The following CTNND2 variants were observed in gnomAD, a reference collection of about 807,000 sequenced individuals.
The protein encoded by CTNND2 is catenin delta 2, also known as catenin delta-2.
A neutral mutation model predicts 144.4 loss-of-function variants in CTNND2; 22 were observed. That is an observed-to-expected ratio of 0.15 (90% CI 0.11 to 0.22). The LOEUF (loss-of-function observed/expected upper bound fraction) is 0.22, where lower values mean the gene tolerates loss of function less well. Among genes scored for constraint, CTNND2 ranks in the 10% least tolerant of loss-of-function variants. The pLI is 1.00. For missense variants in CTNND2, 1,353 were observed against 1,618.8 expected (o/e 0.84, Z 2.82); for synonymous variants, 751 against 695.6 (o/e 1.08, Z -1.25).
chr5:11,044,444 C>T (rs1015079446), intron 16 of CTNND2, among the ~76,000 whole-genome samples: 14 of 151,462 alleles, frequency 9.2e-5, no homozygotes, highest in Admixed American at 4.0e-4. Context: ...TATTATAGAA[C>T]GATATTTTCT....
chr5:11,248,762 G>C (rs1004289398), intron 9 of CTNND2, among the ~76,000 whole-genome samples: 7 of 152,154 alleles, frequency 4.6e-5, no homozygotes, highest in Non-Finnish European at 8.8e-5. Flanking sequence ...AAGTGAGAAC[G>C]TGTCCTGAAG....
chr5:11,435,173 C>T (rs956109297), intron 3 of CTNND2, among the ~76,000 whole-genome samples: 8 of 151,760 alleles, frequency 5.3e-5, no homozygotes, highest in African/African-American at 1.5e-4. Context: ...GAGTCTCACT[C>T]TGTCACCCAG....
intron 16 of CTNND2, among the ~76,000 whole-genome samples, chr5:11,053,370 A>G (rs896974354): frequency 5.3e-5 from 8 of 152,242 alleles, no homozygotes; most frequent in Non-Finnish European, 1.0e-4. Flanking sequence ...CATATTCAAT[A>G]CTGAAGAGGG....
chr5:11,554,408 C>A (rs1776037336), intron 3 of CTNND2, among the ~76,000 whole-genome samples: 2 of 152,072 alleles, frequency 1.3e-5, no homozygotes, highest in Admixed American at 6.6e-5. Context: ...AGAAGGACAG[C>A]CTTGTGGTGT....
intron 1 of CTNND2, among the ~76,000 whole-genome samples, chr5:11,832,942 A>G (rs998100489): frequency 1.3e-5 from 2 of 152,018 alleles, no homozygotes; most frequent in Admixed American, 1.3e-4. Context: ...CCCTGTCTCT[A>G]AATAAATAAA....
chr5:11,405,768 G>A (rs527616946), intron 5 of CTNND2, among the ~76,000 whole-genome samples: 1 of 151,702 alleles, frequency 6.6e-6, no homozygotes, highest in African/African-American at 2.4e-5. Flanking sequence ...TCATATACCC[G>A]AGGTAGGGGG....
intron 15 of CTNND2, among the ~76,000 whole-genome samples, chr5:11,097,150 T>C (rs762438941): frequency 2.6e-5 from 4 of 152,232 alleles, no homozygotes; most frequent in Admixed American, 6.5e-5. Flanking sequence ...AGGCTCACCA[T>C]GCTCAGAAAA....
intron 2 of CTNND2, among the ~76,000 whole-genome samples, chr5:11,661,637 C>A (rs1374071160): frequency 6.6e-6 from 1 of 152,066 alleles, no homozygotes; most frequent in African/African-American, 2.4e-5. Flanking sequence ...AAAAAAAAAT[C>A]ATCAATTTCC....
At chr5:11,370,216 AG>A (rs1259096616) in intron 7 of CTNND2, among the ~76,000 whole-genome samples, 5 of 150,490 alleles carry the variant, frequency 3.3e-5, no homozygotes, top group Admixed American at 3.3e-4. Context: ...TCCTTAGAAT[AG>A]GATTAATTCT....
chr5:11,592,219 TCTGCCTTCCTGCCTGC>T (rs1348010296), intron 2 of CTNND2, among the ~76,000 whole-genome samples: 32 of 139,820 alleles, frequency 2.3e-4, no homozygotes, highest in African/African-American at 8.7e-4. Context: ...TTTCTTCCAG[TCTGCCTTCCTGCCTGC>T]CTGCCTTCCT....
intron 1 of CTNND2, among the ~76,000 whole-genome samples, chr5:11,854,785 G>A (rs1344754391): frequency 6.6e-6 from 1 of 152,220 alleles, no homozygotes; most frequent in Non-Finnish European, 1.5e-5. Flanking sequence ...CCACGAAGTA[G>A]TTCTTCAACC....
At chr5:11,434,575 G>A (rs1327769517) in intron 3 of CTNND2, among the ~76,000 whole-genome samples, 2 of 152,198 alleles carry the variant, frequency 1.3e-5, no homozygotes, top group Non-Finnish European at 2.9e-5. Context: ...TTAGGGGGAT[G>A]TGTACTGATG....
chr5:11,097,342 C>T (rs1250808762), intron 15 of CTNND2, among the ~76,000 whole-genome samples: 1 of 152,204 alleles, frequency 6.6e-6, no homozygotes, highest in East Asian at 1.9e-4. Context: ...AAGCTTTTCT[C>T]TACCAATCTC....
chr5:11,754,310 T>C (rs774488696), intron 1 of CTNND2, among the ~76,000 whole-genome samples: 3 of 151,576 alleles, frequency 2.0e-5, no homozygotes, highest in Non-Finnish European at 4.4e-5. Context: ...TGTGGGCATA[T>C]AGTGTTATAA....
chr5:11,245,834 A>C (rs1742945272), intron 9 of CTNND2, among the ~76,000 whole-genome samples: 1 of 152,166 alleles, frequency 6.6e-6, no homozygotes, highest in African/African-American at 2.4e-5. Context: ...AGAGGCCAAG[A>C]AGCACCACCT....
intron 1 of CTNND2, among the ~76,000 whole-genome samples, chr5:11,745,064 A>G (rs13156582): frequency 0.98 from 148,973 of 152,268 alleles, 72,951 homozygotes; most frequent in East Asian, 1. Flanking sequence ...ATGACCTTGA[A>G]TTTGTTAATG....
chr5:11,074,331 C>T (rs990800363), intron 16 of CTNND2, among the ~76,000 whole-genome samples: 5 of 152,150 alleles, frequency 3.3e-5, no homozygotes, highest in East Asian at 1.9e-4. Flanking sequence ...TTCTCAGTTT[C>T]GCCAGCAGAC....
At chr5:11,083,459 G>T (rs1749809347) in intron 15 of CTNND2, among the ~76,000 whole-genome samples, 1 of 152,176 alleles carries the variant, frequency 6.6e-6, no homozygotes, top group African/African-American at 2.4e-5. Context: ...ATAATGTTCA[G>T]GGCCATAATT....
intron 16 of CTNND2, among the ~76,000 whole-genome samples, chr5:11,082,447 C>G (rs577563502): frequency 6.6e-6 from 1 of 152,126 alleles, no homozygotes; most frequent in Non-Finnish European, 1.5e-5. Flanking sequence ...TATCCTGTGC[C>G]GAGCATTGAG....
Sources: gnomAD v4.1 joint callset for allele counts (sites outside exome capture counted in the v4.1 genomes callset) on GRCh38, gnomAD v4.1.1 for gene constraint, MANE v1.5 for transcripts, NCBI Gene and HGNC (gene_info 2026-07-23, HGNC 2026-07-21) for gene names.